The following TAF3 variants were observed in gnomAD, a reference collection of about 807,000 sequenced individuals.
TAF3 encodes TATA-box binding protein associated factor 3.
A neutral mutation model predicts 80.6 loss-of-function variants in TAF3; 7 were observed. That is an observed-to-expected ratio of 0.09 (90% CI 0.05 to 0.16). TAF3 has a LOEUF of 0.16. Ranked by LOEUF, TAF3 falls within the 10% of genes least tolerant of loss-of-function variation. The pLI is 1.00. For missense variants in TAF3, 921 were observed against 1,140.2 expected (o/e 0.81, Z 2.77); for synonymous variants, 444 against 446.1 (o/e 1.00, Z 0.06).
At chr10:7,898,947 G>A (rs778229114) in intron 2 of TAF3, among the ~76,000 whole-genome samples, 15 of 152,100 alleles carry the variant, frequency 9.9e-5, no homozygotes, top group Non-Finnish European at 1.8e-4. Flanking sequence ...CAAGTGGTGC[G>A]TTGAACTTCA....
chr10:7,895,413 C>T (rs1336022320), intron 2 of TAF3, among the ~76,000 whole-genome samples: 1 of 152,104 alleles, frequency 6.6e-6, no homozygotes, highest in Admixed American at 6.5e-5. Flanking sequence ...CTTCCTTAGA[C>T]ATCCCACGGC....
intron 2 of TAF3, among the ~76,000 whole-genome samples, chr10:7,852,728 G>GT (rs1399437137): frequency 6.6e-6 from 1 of 152,196 alleles, no homozygotes; most frequent in Non-Finnish European, 1.5e-5. Flanking sequence ...TAAGTCAATA[G>GT]AAGTTGCAAA....
In TAF3 at chr10:7,838,088, T is replaced by G. The variant is rs115746542; in HGVS notation, c.409+13528T>G. Reference sequence around the variant, plus strand: ...TCATTCCCATTTATGGAAGGAGAAATGGAAGTTTAAAAATCATAATTGAAT... The same window carrying G: ...TCATTCCCATTTATGGAAGGAGAAAGGGAAGTTTAAAAATCATAATTGAAT... On this transcript the variant is annotated intron_variant, in intron 2 of 6. Transcript: ENST00000344293. Among the ~76,000 whole-genome samples, 610 of 152,282 alleles carry G rather than the reference T, an allele frequency of 4.0e-3. 6 individuals carry two copies. The highest frequency in any genetic ancestry group is 0.014 in the African/African-American group (581 of 41,570).
At chr10:7,840,063 G>A (rs931346815) in intron 2 of TAF3, among the ~76,000 whole-genome samples, 1 of 152,182 alleles carries the variant, frequency 6.6e-6, no homozygotes, top group Non-Finnish European at 1.5e-5. Flanking sequence ...TTTTTGGATG[G>A]GGGAGTATTT....
At chr10:7,971,633 C>G (rs1831624160) in intron 3 of TAF3, among the ~76,000 whole-genome samples, 1 of 152,226 alleles carries the variant, frequency 6.6e-6, no homozygotes, top group South Asian at 2.1e-4. Flanking sequence ...TGAACTGATT[C>G]TTTATAGATA....
At chr10:7,915,974 TA>T (rs1386557729) in intron 2 of TAF3, among the ~76,000 whole-genome samples, 2 of 143,970 alleles carry the variant, frequency 1.4e-5, no homozygotes, top group Non-Finnish European at 1.5e-5. Flanking sequence ...TAAGACTGTC[TA>T]AAAAAAAAGA....
intron 2 of TAF3, among the ~76,000 whole-genome samples, chr10:7,901,000 G>A (rs899387113): frequency 2.9e-3 from 4 of 1,402 alleles, no homozygotes; most frequent in African/African-American, 4.6e-3. Flanking sequence ...ATTTCTTCTG[G>A]TGTGCTTGTG....
intron 2 of TAF3, among the ~76,000 whole-genome samples, chr10:7,936,457 A>G (rs2149111): frequency 0.53 from 79,849 of 151,670 alleles, 22,815 homozygotes; most frequent in East Asian, 0.7. Flanking sequence ...AGAGATTTCT[A>G]TGGATTGGCA....
rs1222413213 is a variant in TAF3 at position 8,009,243 on chromosome 10, G to C, written c.2481G>C (p.Leu827=). The C allele has an allele frequency of 6.6e-7, 1 of 1,512,322 alleles. No individual in the cohort carries two copies. The highest frequency in any genetic ancestry group is 8.8e-7 in the Non-Finnish European group (1 of 1,131,784). 93.7% of individuals were successfully genotyped at this position (1,512,322 alleles called of 1,614,324 possible). A position where few individuals can be genotyped will look rare whatever the true frequency, so the allele number is the denominator to read the frequency against. Residue 827 remains leucine (L), a synonymous_variant, in exon 5 of 7, where the codon CTG becomes CTC. Transcript: ENST00000344293. The surrounding 1 kb of genome is among the most constrained non-coding windows in gnomAD (Gnocchi z 4.1). The stretch of plus-strand genomic sequence containing the variant: ...CCCAGGCCGCCGCGGGCCCTGCCCT[G>C]CTGCCCTCCCCGGGTCCCGCCGCCT... The part of the protein sequence containing the change: ...LLAQAAAGPA[L]LPSPGPAASG...
At chr10:7,827,711 T>C (rs967785444) in intron 2 of TAF3, among the ~76,000 whole-genome samples, 1 of 144,470 alleles carries the variant, frequency 6.9e-6, no homozygotes, top group African/African-American at 2.6e-5. Context: ...ACAGAGGAGG[T>C]GGAGCTTGCA....
Position 7,863,688 on chromosome 10 carries a change from C to T in TAF3, c.409+39128C>T, listed in dbSNP as rs1268471020. On this transcript the variant is annotated intron_variant, in intron 2 of 6. Coordinates refer to ENST00000344293, the MANE Select transcript of TAF3 (RefSeq NM_031923.4). Reference sequence around the variant, plus strand: ...ATATACACACATATATATATATACACACACATATATATATATACACATATA... The same window carrying T: ...ATATACACACATATATATATATACATACACATATATATATATACACATATA... Among the ~76,000 whole-genome samples, 3 of 62,582 alleles carry T rather than the reference C, an allele frequency of 4.8e-5. 1 individual carries two copies. Among genetic ancestry groups the T allele is most frequent in the Non-Finnish European group, 8.5e-5 (3 of 35,226 alleles). The allele number at this position is 62,582 out of a possible 152,430, so 41.1% of individuals were successfully genotyped here. A position where few individuals can be genotyped will look rare whatever the true frequency, so the allele number is the denominator to read the frequency against.
chr10:7,896,870 G>C (rs1348804886), intron 2 of TAF3, among the ~76,000 whole-genome samples: 1 of 152,128 alleles, frequency 6.6e-6, no homozygotes, highest in Non-Finnish European at 1.5e-5. Flanking sequence ...GCCCAGTCGA[G>C]CCCAGATGTC....
At chr10:7,996,842 A>ATTTTTTTTTTT (rs34866346) in intron 4 of TAF3, among the ~76,000 whole-genome samples, 2 of 131,922 alleles carry the variant, frequency 1.5e-5, no homozygotes, top group African/African-American at 2.8e-5. Flanking sequence ...ACCACACTCT[A>ATTTTTTTTTTT]TTTTTTTTTT....
chr10:7,933,090 A>T, intron 2 of TAF3, among the ~76,000 whole-genome samples: 1 of 94,742 alleles, frequency 1.1e-5, no homozygotes, highest in African/African-American at 3.0e-5. Flanking sequence ...GGGATAAGAT[A>T]AAGCAAACAA....
chr10:7,978,031 T>C (rs2073535405), intron 4 of TAF3, among the ~76,000 whole-genome samples: 2 of 152,220 alleles, frequency 1.3e-5, no homozygotes, highest in South Asian at 4.1e-4. Context: ...CATTGATTTT[T>C]TTTTTTGGAA....
chr10:7,898,436 C>T (rs1168208636), intron 2 of TAF3, among the ~76,000 whole-genome samples: 1 of 150,978 alleles, frequency 6.6e-6, no homozygotes, highest in African/African-American at 2.4e-5. Context: ...ATCCCAGCTA[C>T]TTGGGAGGCT....
intron 2 of TAF3, among the ~76,000 whole-genome samples, chr10:7,839,932 A>C (rs539171897): frequency 1.3e-5 from 2 of 152,336 alleles, no homozygotes; most frequent in African/African-American, 4.8e-5. Flanking sequence ...ACACAGATTG[A>C]GAGGGACTTT....
At chr10:7,881,678 G>GA (rs1837364292) in intron 2 of TAF3, among the ~76,000 whole-genome samples, 1 of 152,134 alleles carries the variant, frequency 6.6e-6, no homozygotes, top group African/African-American at 2.4e-5. Context: ...TAGATGTAAT[G>GA]AAAAAATTGA....
chr10:7,823,720 C>T (rs1836712385), intron 1 of TAF3, among the ~76,000 whole-genome samples: 2 of 151,592 alleles, frequency 1.3e-5, no homozygotes, highest in Non-Finnish European at 2.9e-5. Context: ...CTGCAACCTC[C>T]GCCTCCTGGG....
Sources: gnomAD v4.1 joint callset for allele counts (sites outside exome capture counted in the v4.1 genomes callset) on GRCh38, gnomAD v4.1.1 for gene constraint, Gnocchi (gnomAD v3.1) non-coding constraint, MANE v1.5 for transcripts, NCBI Gene and HGNC (gene_info 2026-07-23, HGNC 2026-07-21) for gene names.